The following ANXA2 variants were observed in gnomAD, a reference collection of about 807,000 sequenced individuals.
The protein encoded by ANXA2 is annexin A2.
ANXA2 carries 28 observed loss-of-function variants against 47.3 expected under a neutral mutation model. The observed-to-expected ratio is 0.59, with a 90% CI of 0.44 to 0.81. ANXA2 has a LOEUF of 0.81. Among genes scored for constraint, ANXA2 ranks in the 40% least tolerant of loss-of-function variants. ANXA2 has a pLI of 0.00. For synonymous variants in ANXA2, 172 were observed against 155.5 expected, an observed-to-expected ratio of 1.11 and a Z score of -0.79; for missense variants, 384 against 414.3, an observed-to-expected ratio of 0.93 and a Z score of 0.64.
chr15:60,390,208 C>T lies in ANXA2; in HGVS notation c.-11-4122G>A, dbSNP rs563185846. 8.5e-6 allele frequency: 8 copies of T among 942,242 alleles called. No individual in the cohort carries two copies. The African/African-American group carries it at 8.9e-5, about 10-fold the overall frequency. 58.4% of individuals were successfully genotyped at this position (942,242 alleles called of 1,614,324 possible). A position where few individuals can be genotyped will look rare whatever the true frequency, so the allele number is the denominator to read the frequency against. ...ACATCACAATAACCACAAAGTCACA[C>T]TTACCACAAAGCAGTATCTATGAAA... On this transcript the variant is annotated intron_variant, in intron 1 of 12. Coordinates refer to ENST00000451270, the MANE Select transcript of ANXA2 (RefSeq NM_004039.3).
At chr15:60,362,746 A>T (rs984398382) in intron 4 of ANXA2, 5 of 152,232 alleles carry the variant, frequency 3.3e-5, no homozygotes, top group African/African-American at 9.6e-5. Context: ...GTCAAGAATT[A>T]GTAGGATGAT....
At chr15:60,385,830 A>G in intron 2 of ANXA2, 198 bp downstream of exon 2, 1 of 512,302 alleles carries the variant, frequency 2.0e-6, no homozygotes, top group Non-Finnish European at 3.5e-6. Context: ...TGAGGCCAAG[A>G]AAAGTTTCCA....
intron 6 of ANXA2, 82 bp downstream of exon 6, chr15:60,357,064 G>T: frequency 1.5e-6 from 2 of 1,298,134 alleles, no homozygotes; most frequent in Non-Finnish European, 2.2e-6. Flanking sequence ...AGGCATCTTA[G>T]CCCGAACCCT....
intron 5 of ANXA2, among the ~76,000 whole-genome samples, chr15:60,357,819 G>C (rs1403931847): frequency 6.6e-6 from 1 of 151,924 alleles, no homozygotes; most frequent in Non-Finnish European, 1.5e-5. Flanking sequence ...TAGTGAATAG[G>C]AAGAGGCAGC....
At position 60,352,497 on chromosome 15, in the gene ANXA2, G is replaced by C; in HGVS notation, c.589-21C>G. On this transcript the variant is annotated intron_variant, in intron 8 of 12. Coordinates refer to ENST00000451270, the MANE Select transcript of ANXA2 (RefSeq NM_004039.3). This position sits in a 1 kb window ranked among gnomAD's most constrained non-coding sequence, Gnocchi z 4.2. ...AGATCCTACGAGTACAACCAACCAG[G>C]AAAAGTTAACTACACATCCAATGTA... is the stretch of plus-strand genomic sequence containing the variant. 6.4e-7 allele frequency: 1 copy of C among 1,574,416 alleles called. No individual in the cohort carries two copies. The highest frequency in any genetic ancestry group is 2.2e-5 in the East Asian group (1 of 44,616).
At chr15:60,383,654 T>C (rs564226834) in intron 2 of ANXA2, 1 of 152,436 alleles carries the variant, frequency 6.6e-6, no homozygotes, top group East Asian at 1.9e-4. Flanking sequence ...GGTTGGCTGA[T>C]GGCTGGTGGA....
At chr15:60,360,286 T>C (rs2062494524) in intron 5 of ANXA2, among the ~76,000 whole-genome samples, 1 of 151,910 alleles carries the variant, frequency 6.6e-6, no homozygotes, top group African/African-American at 2.4e-5. Context: ...ACAAAAAACT[T>C]GATATTTTAA....
At chr15:60,382,603 G>A in intron 2 of ANXA2, 162 bp from the exon 3 acceptor site, 1 of 474,366 alleles carries the variant, frequency 2.1e-6, no homozygotes, top group Admixed American at 3.4e-5. Flanking sequence ...CTTCACGCAA[G>A]CAATTTCATT....
chr15:60,383,001 C>A (rs188424508), intron 2 of ANXA2: 4 of 153,138 alleles, frequency 2.6e-5, no homozygotes, highest in Admixed American at 6.5e-5. Context: ...TGTTTCCCCC[C>A]CTCTCCTCTG....
chr15:60,388,461 C>A (rs2062962408), intron 1 of ANXA2, among the ~76,000 whole-genome samples: 2 of 151,980 alleles, frequency 1.3e-5, no homozygotes, highest in African/African-American at 2.4e-5. Flanking sequence ...GATCCAAGCA[C>A]TGAGATTACG....
At chr15:60,380,149 T>G (rs369468276) in intron 3 of ANXA2, among the ~76,000 whole-genome samples, 3 of 152,220 alleles carry the variant, frequency 2.0e-5, no homozygotes, top group Non-Finnish European at 2.9e-5. Context: ...TGTGTGTGCA[T>G]GTGCTTGTAC....
intron 3 of ANXA2, among the ~76,000 whole-genome samples, chr15:60,365,173 T>C (rs1410408643): frequency 6.6e-6 from 1 of 151,756 alleles, no homozygotes; most frequent in Non-Finnish European, 1.5e-5. Context: ...TAATTAATTT[T>C]ATAACTTTAT....
At chr15:60,355,849 A>C in intron 7 of ANXA2, 70 bp downstream of exon 7, 1 of 1,265,594 alleles carries the variant, frequency 7.9e-7, no homozygotes, top group Non-Finnish European at 1.2e-6. Flanking sequence ...AATTCACTCC[A>C]AGTATAAAAT....
chr15:60,354,619 CAAA>C (rs5813019), intron 7 of ANXA2, among the ~76,000 whole-genome samples: 3 of 109,284 alleles, frequency 2.7e-5, no homozygotes, highest in Admixed American at 1.0e-4. Context: ...GACTCTGTCT[CAAA>C]AAAAAAAAAA....
At chr15:60,382,580 A>T in intron 2 of ANXA2, 139 bp from the exon 3 acceptor site, 1 of 541,852 alleles carries the variant, frequency 1.8e-6, no homozygotes, top group South Asian at 2.6e-5. Context: ...GTAGGTATTA[A>T]CACACCATCA....
chr15:60,396,802 C>T (rs2063086437), intron 1 of ANXA2, among the ~76,000 whole-genome samples: 1 of 152,326 alleles, frequency 6.6e-6, no homozygotes, highest in Admixed American at 6.5e-5. Context: ...TGCACACCAA[C>T]AACTTAAGGT....
intron 3 of ANXA2, among the ~76,000 whole-genome samples, chr15:60,381,322 A>T (rs1316512858): frequency 6.6e-6 from 1 of 152,212 alleles, no homozygotes; most frequent in East Asian, 1.9e-4. Flanking sequence ...GTGCTGGGTC[A>T]CGTCTGCATC....
intron 1 of ANXA2, 76 bp downstream of exon 1, chr15:60,397,867 G>T: frequency 1.4e-6 from 2 of 1,381,846 alleles, no homozygotes; most frequent in Non-Finnish European, 1.9e-6. Context: ...CTGCCAGGCC[G>T]TACCCTTCTT....
chr15:60,349,412 A>G (rs1397461613), intron 11 of ANXA2, among the ~76,000 whole-genome samples: 1 of 152,246 alleles, frequency 6.6e-6, no homozygotes, highest in East Asian at 1.9e-4. Flanking sequence ...AGCGTTGTAT[A>G]AAATTACCTT....
Sources: gnomAD v4.1 joint callset for allele counts (sites outside exome capture counted in the v4.1 genomes callset) on GRCh38, gnomAD v4.1.1 for gene constraint, Gnocchi (gnomAD v3.1) non-coding constraint, MANE v1.5 for transcripts, NCBI Gene and HGNC (gene_info 2026-07-23, HGNC 2026-07-21) for gene names.